The following UBTF variants were observed in gnomAD, a reference collection of about 807,000 sequenced individuals.
The protein encoded by UBTF is upstream binding transcription factor.
In UBTF, 8 loss-of-function variants were observed where a neutral mutation model predicts 112.3. The observed-to-expected ratio is 0.07, with a 90% CI of 0.04 to 0.13. UBTF has a LOEUF of 0.13. UBTF is among the 10% of genes least tolerant of loss of function. The pLI, the probability that UBTF is intolerant of heterozygous loss-of-function variation, is 1.00. For missense variants in UBTF, 457 were observed against 982.1 expected (o/e 0.47, Z 7.15); for synonymous variants, 417 against 373.1 (o/e 1.12, Z -1.36).
In UBTF at chr17:44,206,064, G is replaced by A. The variant is rs2056223743; in HGVS notation, c.*1178C>T. On this transcript the variant is annotated 3_prime_UTR_variant, in exon 21 of 21. Coordinates refer to ENST00000436088, the MANE Select transcript of UBTF (RefSeq NM_014233.4). ...GCACATTTCTTGAAGCCCAGGTTCT[G>A]AGCCTGGGGTGGCCAGGCTTGGCCT... 1 of 152,208 alleles carries A rather than the reference G, an allele frequency of 6.6e-6. No individual in the cohort carries two copies. 9.4% of individuals were successfully genotyped at this position (152,208 alleles called of 1,614,324 possible).
At chr17:44,212,209 G>T in intron 8 of UBTF, 135 bp downstream of exon 8, 1 of 777,720 alleles carries the variant, frequency 1.3e-6, no homozygotes, top group Non-Finnish European at 2.1e-6. Flanking sequence ...TAGGGGCAGA[G>T]GTGAGGGGCC....
At chr17:44,213,036 T>A in intron 6 of UBTF, 97 bp from the exon 7 acceptor site, 1 of 1,564,224 alleles carries the variant, frequency 6.4e-7, no homozygotes, top group Non-Finnish European at 8.7e-7. Flanking sequence ...GCCTTTCAGC[T>A]GGGGCTCAGT....
At chr17:44,210,753 G>A (rs765008386) in intron 13 of UBTF, 39 bp downstream of exon 13, 3 of 1,549,528 alleles carry the variant, frequency 1.9e-6, no homozygotes. Context: ...GGCCCTGGCA[G>A]CCCCCCTGGG....
At chr17:44,210,031 A>T in intron 15 of UBTF, 93 bp downstream of exon 15, 1 of 1,319,950 alleles carries the variant, frequency 7.6e-7, no homozygotes, top group Non-Finnish European at 1.1e-6. Context: ...TGAGAGTCAC[A>T]GACCAAGGCT....
At chr17:44,216,024 G>A (rs2046826424) in intron 3 of UBTF, 35 bp from the exon 4 acceptor site, 1 of 1,556,068 alleles carries the variant, frequency 6.4e-7, no homozygotes, top group Non-Finnish European at 8.9e-7. Flanking sequence ...GGGGAAGTTG[G>A]GAAAAGGAAA....
chr17:44,217,181 G>A (rs569251603), intron 2 of UBTF, among the ~76,000 whole-genome samples: 2 of 152,284 alleles, frequency 1.3e-5, no homozygotes, highest in South Asian at 4.1e-4. Flanking sequence ...TGGACAGTAA[G>A]GAAAATCCAT....
intron 17 of UBTF, among the ~76,000 whole-genome samples, chr17:44,208,432 CCA>C (rs1260742576): frequency 1.3e-5 from 2 of 152,158 alleles, no homozygotes; most frequent in African/African-American, 4.8e-5. Flanking sequence ...CTTCTGATAC[CCA>C]GAGTCCTTCT....
chr17:44,210,339 G>A lies in UBTF; in HGVS notation c.1494C>T (p.Gly498=). The A allele has an allele frequency of 1.2e-6, 2 of 1,614,234 alleles. No individual in the cohort carries two copies. The highest frequency in any genetic ancestry group is 1.1e-5 in the South Asian group (1 of 91,086). Residue 498 remains glycine (G), a synonymous_variant, in exon 14 of 21, where the codon GGC becomes GGT. Transcript: ENST00000436088. ...TCACCTTGAAGCGGGCCAGGTAGTC[G>A]CCGATAACGCTCTGTTGCCAGATCT... is the stretch of plus-strand genomic sequence containing the variant. ...AEEIWQQSVI[G]DYLARFKNDR...
chr17:44,217,556 A>G (rs2046908203), intron 2 of UBTF, among the ~76,000 whole-genome samples: 1 of 152,116 alleles, frequency 6.6e-6, no homozygotes, highest in South Asian at 2.1e-4. Context: ...CTCCATTTTC[A>G]TTTGCATCTG....
Position 44,209,448 on chromosome 17 carries a change from G to A in UBTF, c.1809C>T (p.Arg603=), listed in dbSNP as rs200045794. The A allele has an allele frequency of 2.6e-5, 42 of 1,614,088 alleles. No homozygotes were observed. Among genetic ancestry groups the A allele is most frequent in the Admixed American group, 1.3e-4 (8 of 59,998 alleles). The change falls in exon 17 of 21, where the codon CGC becomes CGT. Residue 603 remains arginine (R), a synonymous_variant. Coordinates refer to ENST00000436088, the MANE Select transcript of UBTF (RefSeq NM_014233.4). ...LKERMVEIGS[R]WQRISQSQKE... is the part of the protein sequence containing the mutation. ...TCTGGCTCTGGGAGATGCGCTGCCA[G>A]CGACTGCCGATCTCCACCATGCGCT...
chr17:44,211,144 A>T lies in UBTF; in HGVS notation c.1098T>A (p.Pro366=). 6.2e-7 allele frequency: 1 copy of T among 1,613,120 alleles called. No individual in the cohort carries two copies. Among genetic ancestry groups the T allele is most frequent in the Admixed American group, 1.7e-5 (1 of 60,010 alleles). ...CCAAGACCCGCTGCTGCTCCTCCTCAGGCAGGCTCTGGACAGGAAAGAGGA... is the reference window on the plus strand; with the variant it reads ...CCAAGACCCGCTGCTGCTCCTCCTCTGGCAGGCTCTGGACAGGAAAGAGGA... The part of the protein sequence containing the change: ...VELLRFLESL[P]EEEQQRVLGE... The change falls in exon 12 of 21, where the codon CCT becomes CCA. Residue 366 remains proline, a synonymous_variant. Coordinates refer to ENST00000436088, the MANE Select transcript of UBTF (RefSeq NM_014233.4). The surrounding 1 kb of genome is among the most constrained non-coding windows in gnomAD (Gnocchi z 4.9).
chr17:44,210,081 C>A (rs142385328), intron 15 of UBTF, 43 bp downstream of exon 15: 1 of 1,605,470 alleles, frequency 6.2e-7, no homozygotes, highest in Non-Finnish European at 8.5e-7. Context: ...AAGGGGAGTT[C>A]CCGAGCTTTC....
rs1025093430 is a variant in UBTF, at chr17:44,210,659, G to A, written c.1359+133C>T. 1.4e-5 allele frequency: 19 copies of A among 1,395,758 alleles called. No homozygotes were observed. The African/African-American group carries it at 2.6e-4, about 19-fold the overall frequency. The allele number at this position is 1,395,758 out of a possible 1,614,324, so 86.5% of individuals were successfully genotyped here. On this transcript the variant is annotated intron_variant, in intron 13 of 20. Coordinates refer to ENST00000436088, the MANE Select transcript of UBTF (RefSeq NM_014233.4). The stretch of plus-strand genomic sequence containing the variant: ...CAGCTTCCCGCCTTCCGGCTGCTGG[G>A]CGCCGGCCCCACGTCCCAGCCCAGG...
intron 5 of UBTF, among the ~76,000 whole-genome samples, chr17:44,213,638 G>A (rs773737169): frequency 6.6e-6 from 1 of 152,216 alleles, no homozygotes; most frequent in Non-Finnish European, 1.5e-5. Flanking sequence ...AACTCTCACA[G>A]TGGCGTCGGG....
intron 17 of UBTF, 101 bp from the exon 18 acceptor site, chr17:44,208,012 T>C (rs991252375): frequency 8.1e-5 from 118 of 1,459,072 alleles, no homozygotes; most frequent in Non-Finnish European, 5.3e-5. Flanking sequence ...TTATATATCA[T>C]CACCCCATCT....
At chr17:44,212,985 G>A (rs770305439) in intron 6 of UBTF, 46 bp from the exon 7 acceptor site, 6 of 1,604,092 alleles carry the variant, frequency 3.7e-6, no homozygotes, top group Non-Finnish European at 5.1e-6. Context: ...ACGCTGCCAG[G>A]GCAGACTCAA....
At position 44,205,532 on chromosome 17, in the gene UBTF, G is replaced by C. The variant is rs1273473577; in HGVS notation, c.*1710C>G. The stretch of plus-strand genomic sequence containing the variant: ...GGACAAAGGAAGGGGAATGGGAGTG[G>C]GGAGTGTCCCCCCCAGGCCTCCCCA... On this transcript the variant is annotated 3_prime_UTR_variant, in exon 21 of 21. Coordinates refer to ENST00000436088, the MANE Select transcript of UBTF (RefSeq NM_014233.4). 3.9e-5 allele frequency: 6 copies of C among 152,196 alleles called. No individual in the cohort carries two copies. The highest frequency in any genetic ancestry group is 1.4e-4 in the African/African-American group (6 of 41,426). 9.4% of individuals were successfully genotyped at this position (152,196 alleles called of 1,614,324 possible).
At position 44,209,743 on chromosome 17, in the gene UBTF, G is replaced by C. The variant is rs756450961; in HGVS notation, c.1627-10C>G. 1.1e-5 allele frequency: 17 copies of C among 1,613,548 alleles called. No individual in the cohort carries two copies. The highest frequency in any genetic ancestry group is 1.4e-5 in the Non-Finnish European group (16 of 1,179,796). On this transcript the variant is annotated splice_polypyrimidine_tract_variant and intron_variant, in intron 15 of 20. Transcript: ENST00000436088. ...TCTCACTCAGCTCTCTCTGGAGGGA[G>C]AAAGGTCACGCTCACCCCCCAGTCC...
intron 5 of UBTF, among the ~76,000 whole-genome samples, chr17:44,214,610 A>G (rs2046754014): frequency 6.6e-6 from 1 of 151,382 alleles, no homozygotes; most frequent in Admixed American, 6.6e-5. Flanking sequence ...AGTTCCAGCA[A>G]TCCATACCCC....
Sources: gnomAD v4.1 joint callset for allele counts (sites outside exome capture counted in the v4.1 genomes callset) on GRCh38, gnomAD v4.1.1 for gene constraint, Gnocchi (gnomAD v3.1) non-coding constraint, MANE v1.5 for transcripts, NCBI Gene and HGNC (gene_info 2026-07-23, HGNC 2026-07-21) for gene names.